Variants in PPL observed in about 807,000 individuals in gnomAD.
PPL encodes periplakin, also known as 190 kDa paraneoplastic pemphigus antigen.
Under a neutral mutation model 194.4 loss-of-function variants are expected in PPL, and 198 were observed. The ratio of observed to expected loss-of-function variants is 1.02; its 90% CI spans 0.91 to 1.15. The LOEUF (loss-of-function observed/expected upper bound fraction) is 1.15. Ranked by LOEUF, PPL falls within the 50% of genes most tolerant of loss-of-function variation. PPL has a pLI of 0.00. For missense variants in PPL, 2,885 were observed against 2,294.8 expected (o/e 1.26, Z -5.25); for synonymous variants, 1,220 against 972.4 (o/e 1.25, Z -4.74).
Position 4,897,689 on chromosome 16 carries a change from C to T in PPL, c.958G>A (p.Glu320Lys). The change falls in exon 9 of 22, where the codon GAG (glutamate) becomes AAG (lysine). Residue 320 changes from glutamate to lysine, a missense_variant. Coordinates refer to ENST00000345988, the MANE Select transcript of PPL (RefSeq NM_002705.5). ...AAGGTAAGTACCTGGTGGTAGTCCT[C>T]CATGTACTTGAGGTGGCTCTCCTCG... ...ICEESHLKYM[E>K]DYHQFHEDVK... 6.2e-7 allele frequency: 1 copy of T among 1,613,700 alleles called. No homozygotes were observed. Among genetic ancestry groups the T allele is most frequent in the Non-Finnish European group, 8.5e-7 (1 of 1,179,928 alleles).
chr16:4,910,738 T>G (rs901732419), intron 2 of PPL, 112 bp downstream of exon 2: 1 of 954,456 alleles, frequency 1.0e-6, no homozygotes, highest in Admixed American at 1.8e-5. Context: ...GCATGTTCCC[T>G]CGGGGCCACA....
chr16:4,934,133 G>A lies in PPL; in HGVS notation c.62+2851C>T, dbSNP rs144883768. On this transcript the variant is annotated intron_variant, in intron 1 of 21. Transcript: ENST00000345988. ...CTCTACTAGGCTGGAGGCTGTCCTC[G>A]GTCACCTGCACCATCTGGCCTGACT... Among the ~76,000 whole-genome samples, 646 of 152,244 alleles carry A rather than the reference G, an allele frequency of 4.2e-3. 7 individuals are homozygous for A. Among genetic ancestry groups the A allele is most frequent in the African/African-American group, 0.014 (574 of 41,534 alleles).
At chr16:4,900,515 T>C (rs58078563) in intron 6 of PPL, among the ~76,000 whole-genome samples, 2,274 of 142,662 alleles carry the variant, frequency 0.016, 60 homozygotes, top group African/African-American at 0.055. Context: ...TCACAGCTCA[T>C]TGCAGCCTCC....
At chr16:4,891,676 A>T in intron 16 of PPL, 135 bp downstream of exon 16, 1 of 1,122,362 alleles carries the variant, frequency 8.9e-7, no homozygotes, top group Non-Finnish European at 1.2e-6. Flanking sequence ...CTCCATTTGC[A>T]GTTCCCAATT....
chr16:4,896,242 G>A (rs544004420), intron 9 of PPL, among the ~76,000 whole-genome samples: 1 of 152,128 alleles, frequency 6.6e-6, no homozygotes, highest in Non-Finnish European at 1.5e-5. Flanking sequence ...GGAGTGACAC[G>A]GCGTCGCCCA....
Position 4,883,113 on chromosome 16 carries a change from T to G in PPL, c.*271A>C. On this transcript the variant is annotated 3_prime_UTR_variant, in exon 22 of 22. Coordinates refer to ENST00000345988, the MANE Select transcript of PPL (RefSeq NM_002705.5). This position sits in a 1 kb window ranked among gnomAD's most constrained non-coding sequence, Gnocchi z 4.8. ...CATGAGGAGTTTGTTGCTGGGAGTG[T>G]ACAGGAAAAGGGAGGAAAAGGCATC... 2 of 452,292 alleles carry G rather than the reference T, an allele frequency of 4.4e-6. No individual in the cohort carries two copies. The highest frequency in any genetic ancestry group is 8.0e-6 in the Non-Finnish European group (2 of 248,456). 28.0% of individuals were successfully genotyped at this position (452,292 alleles called of 1,614,324 possible). A position where few individuals can be genotyped will look rare whatever the true frequency, so the allele number is the denominator to read the frequency against.
chr16:4,891,544 G>C (rs1278748604), intron 16 of PPL: 2 of 382,706 alleles, frequency 5.2e-6, no homozygotes, highest in African/African-American at 4.2e-5. Context: ...CTCCTGAATG[G>C]CTGGTGTTAC....
chr16:4,899,008 T>C lies in PPL; in HGVS notation c.876+5A>G. The C allele has an allele frequency of 1.2e-6, 2 of 1,612,808 alleles. No individual in the cohort carries two copies. Among genetic ancestry groups the C allele is most frequent in the South Asian group, 2.2e-5 (2 of 91,076 alleles). On this transcript the variant is annotated splice_donor_5th_base_variant and intron_variant, in intron 8 of 21. Coordinates refer to ENST00000345988, the MANE Select transcript of PPL (RefSeq NM_002705.5). Reference sequence around the variant, plus strand: ...GGGAGGTGTCTGGTCTCGGGGTGCATGAACCTCAATGGAGTTCCTCCCGGG... The same window carrying C: ...GGGAGGTGTCTGGTCTCGGGGTGCACGAACCTCAATGGAGTTCCTCCCGGG...
At chr16:4,911,942 T>G (rs1276245780) in intron 1 of PPL, among the ~76,000 whole-genome samples, 2 of 152,112 alleles carry the variant, frequency 1.3e-5, no homozygotes, top group African/African-American at 4.8e-5. Flanking sequence ...GCTCAAGCAA[T>G]CCTCCTACCT....
chr16:4,925,394 C>A (rs964619329), intron 1 of PPL, among the ~76,000 whole-genome samples: 3 of 152,152 alleles, frequency 2.0e-5, no homozygotes, highest in African/African-American at 7.2e-5. Flanking sequence ...AGTAACAACA[C>A]TGAGGGCACC....
At chr16:4,929,409 G>A (rs115876039) in intron 1 of PPL, among the ~76,000 whole-genome samples, 27 of 151,928 alleles carry the variant, frequency 1.8e-4, no homozygotes, top group African/African-American at 6.0e-4. Flanking sequence ...CTCTTCCCAC[G>A]CTGTGCCCCC....
intron 8 of PPL, 24 bp downstream of exon 8, chr16:4,898,989 T>C (rs1283483300): frequency 6.3e-7 from 1 of 1,596,568 alleles, no homozygotes; most frequent in Non-Finnish European, 8.6e-7. Flanking sequence ...CTGGGGGAGG[T>C]GTCTGGTCTC....
chr16:4,883,713 C>T lies in PPL; in HGVS notation c.4942G>A (p.Glu1648Lys), dbSNP rs1427405300. Residue 1648 changes from glutamate (E) to lysine (K), a missense_variant, in exon 22 of 22, where the codon GAG becomes AAG. Coordinates refer to ENST00000345988, the MANE Select transcript of PPL (RefSeq NM_002705.5). This position sits in a 1 kb window ranked among gnomAD's most constrained non-coding sequence, Gnocchi z 4.8. Reference protein sequence around the residue: ...KRLGSVAVKREQRENHLRRSI... With the variant: ...KRLGSVAVKRKQRENHLRRSI... Reference sequence around the variant, plus strand: ...CGCCGCAGGTGGTTCTCCCGCTGCTCCCGCTTGACGGCCACGGAGCCCAGG... The same window carrying T: ...CGCCGCAGGTGGTTCTCCCGCTGCTTCCGCTTGACGGCCACGGAGCCCAGG... 2 of 1,614,028 alleles carry T rather than the reference C, an allele frequency of 1.2e-6. No homozygotes were observed. The highest frequency in any genetic ancestry group is 2.2e-5 in the East Asian group (1 of 44,874).
intron 16 of PPL, 64 bp downstream of exon 16, chr16:4,891,747 T>C: frequency 6.5e-7 from 1 of 1,528,274 alleles, no homozygotes; most frequent in Non-Finnish European, 8.8e-7. Flanking sequence ...GACGGGCGGG[T>C]GGATGTGCCA....
intron 1 of PPL, among the ~76,000 whole-genome samples, chr16:4,916,568 C>T (rs538105328): frequency 6.6e-6 from 1 of 152,066 alleles, no homozygotes; most frequent in Non-Finnish European, 1.5e-5. Context: ...TGCAGTGGTG[C>T]AATCTTAGCT....
chr16:4,935,436 C>T (rs1441053789), intron 1 of PPL, among the ~76,000 whole-genome samples: 2 of 152,130 alleles, frequency 1.3e-5, no homozygotes, highest in South Asian at 2.1e-4. Context: ...ACGGCTGGCA[C>T]GGAGCATCCA....
Position 4,895,656 on chromosome 16 carries a change from G to T in PPL, c.1033C>A (p.Gln345Lys). Residue 345 changes from glutamine (Q) to lysine (K), a missense_variant, in exon 10 of 22, where the codon CAG becomes AAG. Transcript: ENST00000345988. ...TCCTTGAAGTCAGGGCCATACTTCT[G>T]GTTCAGGTCCGAGTCCACCTTGCGC... is the stretch of plus-strand genomic sequence containing the variant. ...LLRKVDSDLNQKYGPDFKDRY... is the reference protein window; with the variant it reads ...LLRKVDSDLNKKYGPDFKDRY... 6.2e-7 allele frequency: 1 copy of T among 1,614,052 alleles called. No individual in the cohort carries two copies. Among genetic ancestry groups the T allele is most frequent in the Non-Finnish European group, 8.5e-7 (1 of 1,180,008 alleles).
Position 4,888,653 on chromosome 16 carries a change from C to T in PPL, c.2397+325G>A, listed in dbSNP as rs2088257358. On this transcript the variant is annotated intron_variant, in intron 19 of 21. Transcript: ENST00000345988. ...CCCTTCCACTGGACACCAGTCCTTT[C>T]CAGCGTACTAGTTTTGCTATTGTAA... 8.1e-6 allele frequency: 3 copies of T among 372,116 alleles called. No individual in the cohort carries two copies. The Admixed American group carries it at 1.2e-4, about 15-fold the overall frequency. The allele number at this position is 372,116 out of a possible 1,614,324, so 23.1% of individuals were successfully genotyped here.
intron 1 of PPL, among the ~76,000 whole-genome samples, chr16:4,918,794 C>T (rs2088978446): frequency 6.6e-6 from 1 of 152,176 alleles, no homozygotes; most frequent in African/African-American, 2.4e-5. Flanking sequence ...CATGTGTGCC[C>T]CTTGGAGAGC....
Sources: gnomAD v4.1 joint callset for allele counts (sites outside exome capture counted in the v4.1 genomes callset) on GRCh38, gnomAD v4.1.1 for gene constraint, Gnocchi (gnomAD v3.1) non-coding constraint, MANE v1.5 for transcripts, NCBI Gene and HGNC (gene_info 2026-07-23, HGNC 2026-07-21) for gene names.